B3GAT2: variants seen among roughly 807,000 people sequenced by gnomAD.
B3GAT2 encodes beta-1,3-glucuronyltransferase 2, also known as galactosylgalactosylxylosylprotein 3-beta-glucuronosyltransferase 2.
A neutral mutation model predicts 27.8 loss-of-function variants in B3GAT2; 26 were observed. That is an observed-to-expected ratio of 0.93 (90% CI 0.68 to 1.30). The LOEUF is 1.30. Ranked by LOEUF, B3GAT2 falls within the 50% of genes most tolerant of loss-of-function variation. B3GAT2 has a pLI of 0.00. For synonymous variants in B3GAT2, 218 were observed against 195.1 expected, an observed-to-expected ratio of 1.12 and a Z score of -0.98; for missense variants, 458 against 459.0, an observed-to-expected ratio of 1.00 and a Z score of 0.02.
chr6:70,860,782 G>A lies in B3GAT2; in HGVS notation c.*881C>T, dbSNP rs1222470878. 7.5e-6 allele frequency: 3 copies of A among 399,068 alleles called. No individual in the cohort carries two copies. The highest frequency in any genetic ancestry group is 8.8e-6 in the Non-Finnish European group (2 of 226,136). 24.7% of individuals were successfully genotyped at this position (399,068 alleles called of 1,614,324 possible). ...ATAAATAGAATGTAAATGTCTCACT[G>A]AGCACTGTTTTCTAGTGTATCAAAA... On this transcript the variant is annotated 3_prime_UTR_variant, in exon 4 of 4. Transcript: ENST00000230053.
intron 1 of B3GAT2, among the ~76,000 whole-genome samples, chr6:70,907,068 C>T (rs1031710325): frequency 1.3e-5 from 2 of 152,196 alleles, no homozygotes; most frequent in Admixed American, 1.3e-4. Flanking sequence ...AGATACTGTT[C>T]GTTGCCTACT....
chr6:70,907,889 T>G (rs1772627022), intron 1 of B3GAT2, among the ~76,000 whole-genome samples: 3 of 152,242 alleles, frequency 2.0e-5, no homozygotes. Flanking sequence ...ATTTAGTTAT[T>G]CTGCTAATAT....
In B3GAT2 at chr6:70,857,066, C is replaced by CT; in HGVS notation, c.*4596dup. The CT allele has an allele frequency of 6.4e-7, 1 of 1,551,306 alleles. No individual in the cohort carries two copies. Among genetic ancestry groups the CT allele is most frequent in the South Asian group, 1.2e-5 (1 of 80,910 alleles). The stretch of plus-strand genomic sequence containing the variant: ...TTGATATCTGCTTTCAGTGACATTA[C>CT]TAGAAGTACATCCTTTGTAATTATA... On this transcript the variant is annotated 3_prime_UTR_variant, in exon 4 of 4. Coordinates refer to ENST00000230053, the MANE Select transcript of B3GAT2 (RefSeq NM_080742.3).
At chr6:70,946,930 C>T (rs1226282320) in intron 1 of B3GAT2, among the ~76,000 whole-genome samples, 1 of 152,162 alleles carries the variant, frequency 6.6e-6, no homozygotes, top group African/African-American at 2.4e-5. Flanking sequence ...AAGAAACTTA[C>T]TCAAAACTGC....
intron 1 of B3GAT2, among the ~76,000 whole-genome samples, chr6:70,908,773 C>A (rs537616317): frequency 8.5e-5 from 13 of 152,092 alleles, no homozygotes; most frequent in African/African-American, 3.1e-4. Flanking sequence ...CAGGTTGGAA[C>A]TGGATGCAGG....
At chr6:70,910,369 T>G (rs1383986525) in intron 1 of B3GAT2, among the ~76,000 whole-genome samples, 2 of 152,294 alleles carry the variant, frequency 1.3e-5, no homozygotes, top group Middle Eastern at 3.4e-3. Context: ...ATTCCCTTCT[T>G]TGTATCCATG....
chr6:70,951,281 A>C (rs1000799602), intron 1 of B3GAT2, among the ~76,000 whole-genome samples: 1 of 152,180 alleles, frequency 6.6e-6, no homozygotes, highest in Non-Finnish European at 1.5e-5. Context: ...TGGATTTTCT[A>C]TTTTGCTTTT....
Position 70,956,827 on chromosome 6 carries a change from C to T in B3GAT2, c.-398G>A. ...CCCGGTGCGCCTCGCCGCTCCAGTC[C>T]GGCGGTGCTGCGGGCACAAGGGCTC... On this transcript the variant is annotated 5_prime_UTR_variant, in exon 1 of 4. Transcript: ENST00000230053. 9.4e-7 allele frequency: 1 copy of T among 1,064,408 alleles called. No homozygotes were observed. The highest frequency in any genetic ancestry group is 2.9e-5 in the South Asian group (1 of 34,186). 65.9% of individuals were successfully genotyped at this position (1,064,408 alleles called of 1,614,324 possible). A position where few individuals can be genotyped will look rare whatever the true frequency, so the allele number is the denominator to read the frequency against.
chr6:70,921,499 T>C (rs565171996), intron 1 of B3GAT2, among the ~76,000 whole-genome samples: 1 of 152,216 alleles, frequency 6.6e-6, no homozygotes, highest in East Asian at 1.9e-4. Flanking sequence ...TCATCTCTTG[T>C]ATTGTTTTAT....
chr6:70,877,188 T>C (rs1562215960), intron 2 of B3GAT2, among the ~76,000 whole-genome samples: 1 of 151,952 alleles, frequency 6.6e-6, no homozygotes. Flanking sequence ...CACTAGATGG[T>C]TCAGGTAAGA....
intron 1 of B3GAT2, among the ~76,000 whole-genome samples, chr6:70,904,895 C>T (rs1240251143): frequency 6.6e-6 from 1 of 152,092 alleles, no homozygotes; most frequent in Admixed American, 6.6e-5. Flanking sequence ...GGCAGTCACT[C>T]CCTTGGCCAA....
chr6:70,934,183 G>A (rs1773103635), intron 1 of B3GAT2, among the ~76,000 whole-genome samples: 1 of 152,216 alleles, frequency 6.6e-6, no homozygotes, highest in Non-Finnish European at 1.5e-5. Flanking sequence ...CAGACTGGGA[G>A]TGCATGATAC....
intron 1 of B3GAT2, among the ~76,000 whole-genome samples, chr6:70,926,317 G>C (rs1335545536): frequency 6.6e-6 from 1 of 152,210 alleles, no homozygotes; most frequent in East Asian, 1.9e-4. Context: ...GCTGGATGGA[G>C]AATGACTTTA....
At chr6:70,939,508 C>A (rs1363833633) in intron 1 of B3GAT2, among the ~76,000 whole-genome samples, 7 of 146,964 alleles carry the variant, frequency 4.8e-5, no homozygotes, top group Admixed American at 6.9e-5. Flanking sequence ...AAATGTCCAA[C>A]AATGATAGAC....
chr6:70,860,579 ATTTGAGAAGCTGCTCAACTTGC>A lies in B3GAT2; in HGVS notation c.*1062_*1083del. On this transcript the variant is annotated 3_prime_UTR_variant, in exon 4 of 4. Transcript: ENST00000230053. ...TTCCCATGATTTCATGTACTGCATT[ATTTGAGAAGCTGCTCAACTTGC>A]AAAATCAGTTTTCCTCTCAATAAAA... is the stretch of plus-strand genomic sequence containing the variant. 2.3e-6 allele frequency: 1 copy of A among 436,586 alleles called. No individual in the cohort carries two copies. The allele number at this position is 436,586 out of a possible 1,614,324, so 27.0% of individuals were successfully genotyped here.
chr6:70,879,693 T>C (rs542522869), intron 2 of B3GAT2, among the ~76,000 whole-genome samples: 123 of 152,186 alleles, frequency 8.1e-4, no homozygotes, highest in African/African-American at 2.6e-3. Flanking sequence ...GTGCGGGTGC[T>C]ATGTGAAGAA....
Position 70,894,225 on chromosome 6 carries a change from A to G in B3GAT2, c.639T>C (p.Gly213=). The G allele has an allele frequency of 6.2e-7, 1 of 1,613,712 alleles. No individual in the cohort carries two copies. Among genetic ancestry groups the G allele is most frequent in the South Asian group, 1.1e-5 (1 of 90,996 alleles). Reference sequence around the variant, plus strand: ...CCAGCGGACGTTCGTAGCGCCGCCCACCAACCAGGCCCACAGGCCAGACGG... The same window carrying G: ...CCAGCGGACGTTCGTAGCGCCGCCCGCCAACCAGGCCCACAGGCCAGACGG... ...KVSVWPVGLV[G]GRRYERPLVE... is the part of the protein sequence containing the mutation. Residue 213 remains glycine (G), a synonymous_variant, in exon 2 of 4, where the codon GGT becomes GGC. Transcript: ENST00000230053.
At chr6:70,925,239 A>C (rs942725838) in intron 1 of B3GAT2, among the ~76,000 whole-genome samples, 1 of 152,276 alleles carries the variant, frequency 6.6e-6, no homozygotes, top group Admixed American at 6.5e-5. Flanking sequence ...TGAGTGACGC[A>C]GAAGACAGGA....
chr6:70,905,243 C>T (rs956018721), intron 1 of B3GAT2, among the ~76,000 whole-genome samples: 2 of 152,092 alleles, frequency 1.3e-5, no homozygotes, highest in South Asian at 2.1e-4. Flanking sequence ...GCTGAGGAAA[C>T]GCAAGAGTTA....
Sources: allele counts gnomAD v4.1 joint callset (sites outside exome capture counted in the v4.1 genomes callset), GRCh38; gene constraint gnomAD v4.1.1; transcripts MANE v1.5; gene names NCBI Gene and HGNC (gene_info 2026-07-23, HGNC 2026-07-21).